Variants in MGAT4C observed in about 807,000 individuals in gnomAD.
The protein encoded by MGAT4C is alpha-1,3-mannosyl-glycoprotein 4-beta-N-acetylglucosaminyltransferase C.
Under a neutral mutation model 40.1 loss-of-function variants are expected in MGAT4C, and 19 were observed. The ratio of observed to expected loss-of-function variants is 0.47; its 90% confidence interval spans 0.33 to 0.70. The LOEUF is 0.70. MGAT4C is among the 30% of genes least tolerant of loss of function. The pLI, the probability that MGAT4C is intolerant of heterozygous loss-of-function variation, is 0.02. For missense variants in MGAT4C, 491 were observed against 563.2 expected, an observed-to-expected ratio of 0.87 and a Z score of 1.30; for synonymous variants, 181 against 187.1, an observed-to-expected ratio of 0.97 and a Z score of 0.27.
intron 3 of MGAT4C, among the ~76,000 whole-genome samples, chr12:86,339,253 A>G (rs1352494666): frequency 1.3e-5 from 2 of 152,156 alleles, no homozygotes; most frequent in East Asian, 3.9e-4. Flanking sequence ...GCCCCTATGC[A>G]AAAAGTGCCA....
chr12:86,493,698 T>A (rs537531480), intron 2 of MGAT4C, among the ~76,000 whole-genome samples: 1 of 151,796 alleles, frequency 6.6e-6, no homozygotes, highest in South Asian at 2.1e-4. Flanking sequence ...CCTAATGCTA[T>A]ATGACGAGTT....
At chr12:86,065,615 CA>C (rs1269098119) in intron 1 of MGAT4C, among the ~76,000 whole-genome samples, 1 of 152,072 alleles carries the variant, frequency 6.6e-6, no homozygotes, top group Non-Finnish European at 1.5e-5. Flanking sequence ...ACTGAATGGG[CA>C]AAAACTGGAA....
chr12:86,245,202 G>A (rs1039950887), intron 1 of MGAT4C, among the ~76,000 whole-genome samples: 1 of 152,116 alleles, frequency 6.6e-6, no homozygotes, highest in African/African-American at 2.4e-5. Flanking sequence ...ATCCACCAAG[G>A]TTCTACAACT....
chr12:86,113,123 T>C (rs1287781120), intron 1 of MGAT4C, among the ~76,000 whole-genome samples: 1 of 151,826 alleles, frequency 6.6e-6, no homozygotes. Flanking sequence ...TAACCTTGAT[T>C]AACAGGAACA....
chr12:86,428,671 T>C (rs1395385209), intron 3 of MGAT4C, among the ~76,000 whole-genome samples: 1 of 152,242 alleles, frequency 6.6e-6, no homozygotes, highest in East Asian at 1.9e-4. Context: ...GTTCAGATGT[T>C]CTATTTATTA....
At position 86,373,734 on chromosome 12, in the gene MGAT4C, G is replaced by A. The variant is rs182199330; in HGVS notation, c.-119-39607C>T. On this transcript the variant is annotated intron_variant, in intron 3 of 7. Coordinates refer to the MGAT4C transcript ENST00000548651. ...TAGCAGAGCAGATATGAATAGCTGC[G>A]AAACACAGTGAAGGGGTCAATAGGC... Among the ~76,000 whole-genome samples the A allele has an allele frequency of 2.3e-3, 350 of 151,412 alleles. 1 individual carries two copies. Among genetic ancestry groups the A allele is most frequent in the African/African-American group, 7.7e-3 (320 of 41,306 alleles).
chr12:86,306,851 TAAAG>T (rs10602025), intron 4 of MGAT4C, among the ~76,000 whole-genome samples: 99,456 of 149,300 alleles, frequency 0.67, 34,685 homozygotes, highest in South Asian at 0.78. Flanking sequence ...GGATACGTGA[TAAAG>T]AAAGTATAGT....
chr12:86,686,660 C>A (rs1033686943), intron 2 of MGAT4C, among the ~76,000 whole-genome samples: 12 of 152,098 alleles, frequency 7.9e-5, no homozygotes, highest in African/African-American at 2.9e-4. Context: ...TATGTTGAAC[C>A]AGCCTTGCAT....
chr12:86,183,091 A>G (rs933431669), intron 1 of MGAT4C, among the ~76,000 whole-genome samples: 2 of 152,204 alleles, frequency 1.3e-5, no homozygotes, highest in Admixed American at 1.3e-4. Context: ...GCCAGGCTAC[A>G]CTACTTGGTA....
chr12:86,662,476 G>T (rs1369021241), intron 2 of MGAT4C, among the ~76,000 whole-genome samples: 1 of 152,082 alleles, frequency 6.6e-6, no homozygotes, highest in East Asian at 1.9e-4. Flanking sequence ...TCATATTTCT[G>T]CCATTACTTA....
At chr12:86,246,835 A>G (rs1369326907) in intron 1 of MGAT4C, among the ~76,000 whole-genome samples, 1 of 152,188 alleles carries the variant, frequency 6.6e-6, no homozygotes, top group East Asian at 1.9e-4. Context: ...TTGCTATCTA[A>G]TATCTCAAAC....
rs138810448 is a variant in MGAT4C at position 86,604,612 on chromosome 12, A to G, written c.-229+122597T>C. Among the ~76,000 whole-genome samples, 15 of 152,222 alleles carry G rather than the reference A, an allele frequency of 9.9e-5. No individual in the cohort carries two copies. In the East Asian group the frequency reaches 2.9e-3, roughly 29 times the overall value. ...TAAACTACACACTCATTCTTCTTTC[A>G]CAAAAGAAAAAACTGGAAGTCACTT... is the stretch of plus-strand genomic sequence containing the variant. On this transcript the variant is annotated intron_variant, in intron 2 of 7. Transcript: ENST00000548651.
intron 2 of MGAT4C, among the ~76,000 whole-genome samples, chr12:86,460,731 T>G (rs1477450122): frequency 6.6e-6 from 1 of 152,100 alleles, no homozygotes; most frequent in Non-Finnish European, 1.5e-5. Flanking sequence ...ACTGTTAGTT[T>G]TTTTCTTCCC....
Position 86,767,418 on chromosome 12 carries a change from T to C in MGAT4C, c.-261-40177A>G, listed in dbSNP as rs556007007. Reference sequence around the variant, plus strand: ...GTCCAGGACCAGATGGATTCACAGCTGAATTCTACCAGAGAGGTACAAGGA... The same window carrying C: ...GTCCAGGACCAGATGGATTCACAGCCGAATTCTACCAGAGAGGTACAAGGA... On this transcript the variant is annotated intron_variant, in intron 1 of 7. Coordinates refer to the MGAT4C transcript ENST00000548651. Among the ~76,000 whole-genome samples the C allele has an allele frequency of 4.6e-5, 7 of 152,206 alleles. No individual in the cohort carries two copies. In the South Asian group the frequency reaches 6.2e-4, roughly 14 times the overall value.
chr12:86,478,009 G>A (rs1009991644), intron 2 of MGAT4C, among the ~76,000 whole-genome samples: 1 of 151,520 alleles, frequency 6.6e-6, no homozygotes, highest in Non-Finnish European at 1.5e-5. Flanking sequence ...CTTTACTTCC[G>A]AATTTTCAAG....
intron 3 of MGAT4C, among the ~76,000 whole-genome samples, chr12:86,425,300 G>A (rs970789291): frequency 1.3e-5 from 2 of 152,182 alleles, no homozygotes; most frequent in African/African-American, 4.8e-5. Context: ...CTGGTGGGAA[G>A]TGATTGGATC....
intron 2 of MGAT4C, among the ~76,000 whole-genome samples, chr12:86,639,366 G>T (rs1406979249): frequency 6.6e-6 from 1 of 151,494 alleles, no homozygotes. Flanking sequence ...ATCAATAAGA[G>T]AACTTTGTAT....
intron 1 of MGAT4C, among the ~76,000 whole-genome samples, chr12:86,105,321 A>T (rs1240136222): frequency 1.3e-5 from 2 of 152,170 alleles, no homozygotes; most frequent in Non-Finnish European, 2.9e-5. Context: ...AAAACAAAAC[A>T]TCATGAACAA....
At chr12:86,498,756 T>G (rs1282419539) in intron 2 of MGAT4C, among the ~76,000 whole-genome samples, 24 of 151,944 alleles carry the variant, frequency 1.6e-4, no homozygotes, top group Admixed American at 1.4e-3. Context: ...CCACTTTACC[T>G]CTTCAGTAAG....
Sources: gnomAD v4.1 joint callset for allele counts (sites outside exome capture counted in the v4.1 genomes callset) on GRCh38, gnomAD v4.1.1 for gene constraint, MANE v1.5 for transcripts, NCBI Gene and HGNC (gene_info 2026-07-23, HGNC 2026-07-21) for gene names.